NLGN1: variants seen among roughly 807,000 people sequenced by gnomAD.
NLGN1 encodes the protein neuroligin 1.
Under a neutral mutation model 65.5 loss-of-function variants are expected in NLGN1, and 12 were observed. That is an observed-to-expected ratio of 0.18 (90% confidence interval 0.12 to 0.30). NLGN1 has a LOEUF of 0.30. Ranked by LOEUF, NLGN1 falls within the 10% of genes least tolerant of loss-of-function variation. NLGN1 has a pLI of 1.00. For synonymous variants in NLGN1, 350 were observed against 359.5 expected (o/e 0.97, Z 0.30); for missense variants, 750 against 1,007.1 (o/e 0.74, Z 3.46).
chr3:174,289,955 G>GCA (rs1752558800), downstream of NLGN1, among the ~76,000 whole-genome samples: 1 of 105,372 alleles, frequency 9.5e-6, no homozygotes, highest in Admixed American at 1.0e-4. Context: ...ATATATATGT[G>GCA]TATATATATA....
intron 4 of NLGN1, among the ~76,000 whole-genome samples, chr3:174,034,977 C>G (rs896257501): frequency 6.6e-6 from 1 of 152,072 alleles, no homozygotes. Context: ...GCCATGCTAA[C>G]CCTAATCAAA....
intron 4 of NLGN1, among the ~76,000 whole-genome samples, chr3:174,032,215 A>G (rs1269079924): frequency 6.6e-6 from 1 of 152,224 alleles, no homozygotes; most frequent in East Asian, 1.9e-4. Context: ...CCTAGGATTC[A>G]GTAACAGAGA....
At chr3:174,264,014 CA>C (rs1200980617) in intron 4 of NLGN1, among the ~76,000 whole-genome samples, 3 of 150,916 alleles carry the variant, frequency 2.0e-5, no homozygotes, top group African/African-American at 7.4e-5. Flanking sequence ...TATTGGCCCC[CA>C]CTCTCTTCTG....
Position 173,947,399 on chromosome 3 carries a change from C to T in NLGN1, c.646+139567C>T, listed in dbSNP as rs116716107. On this transcript the variant is annotated intron_variant, in intron 4 of 6. Transcript: ENST00000457714. ...TAATGGCCTGAACATCTCCATAGTA[C>T]TTACTGTATGCCAGGCACTGTCCTT... 4.0e-3 allele frequency among the ~76,000 whole-genome samples: 603 copies of T among 152,230 alleles called. 6 individuals carry two copies. The highest frequency in any genetic ancestry group is 0.013 in the African/African-American group (557 of 41,544).
chr3:173,936,231 A>T (rs1745056504), intron 4 of NLGN1, among the ~76,000 whole-genome samples: 1 of 151,986 alleles, frequency 6.6e-6, no homozygotes, highest in Non-Finnish European at 1.5e-5. Context: ...TTATAAATTC[A>T]GTCTCTACAT....
intron 1 of NLGN1, among the ~76,000 whole-genome samples, chr3:173,403,475 G>A (rs1718086549): frequency 6.6e-6 from 1 of 152,056 alleles, no homozygotes; most frequent in South Asian, 2.1e-4. Context: ...CTTCATATAT[G>A]CTTTGCACAA....
chr3:173,864,763 C>T (rs577537235), intron 4 of NLGN1, among the ~76,000 whole-genome samples: 2 of 152,116 alleles, frequency 1.3e-5, no homozygotes, highest in Admixed American at 6.5e-5. Context: ...CCATAGTTTT[C>T]ACATTGGCAT....
chr3:173,622,414 A>G (rs924658208), intron 3 of NLGN1, among the ~76,000 whole-genome samples: 5 of 152,096 alleles, frequency 3.3e-5, no homozygotes, highest in South Asian at 2.1e-4. Flanking sequence ...TTAAAACCAC[A>G]TAAACCTCAG....
At chr3:173,868,898 G>GAGAC (rs1254159587) in intron 4 of NLGN1, among the ~76,000 whole-genome samples, 15 of 152,100 alleles carry the variant, frequency 9.9e-5, no homozygotes, top group African/African-American at 3.6e-4. Flanking sequence ...AACAGAGAGA[G>GAGAC]AGACAGACAG....
intron 4 of NLGN1, among the ~76,000 whole-genome samples, chr3:174,088,625 T>C (rs1414550753): frequency 1.3e-5 from 2 of 151,474 alleles, no homozygotes; most frequent in East Asian, 1.9e-4. Context: ...CGGTGGCAGG[T>C]GCCTGTAGTC....
exon 4 of NLGN1, chr3:173,807,786 T>C (rs1716982103): frequency 1.2e-6 from 2 of 1,613,780 alleles, no homozygotes; most frequent in Non-Finnish European, 1.7e-6. Context: ...TGGCAAGTTA[T>C]GGCAATGTGA....
rs554372833 is a variant in NLGN1 at position 174,264,676 on chromosome 3, C to T, written c.647-10639C>T. Among the ~76,000 whole-genome samples, 168 of 151,338 alleles carry T rather than the reference C, an allele frequency of 1.1e-3. 5 individuals carry two copies. The South Asian group carries it at 0.034, about 31-fold the overall frequency. On this transcript the variant is annotated intron_variant, in intron 4 of 6. Coordinates refer to ENST00000457714, the Ensembl canonical transcript of NLGN1. ...ATTTGATCGTCTGAAGCCTTCTCCCCTCAGCTCGTCAAAGTCATTCTCCGT... is the reference window on the plus strand; with the variant it reads ...ATTTGATCGTCTGAAGCCTTCTCCCTTCAGCTCGTCAAAGTCATTCTCCGT...
chr3:174,031,775 TAAG>T (rs1481842943), intron 4 of NLGN1, among the ~76,000 whole-genome samples: 1 of 152,022 alleles, frequency 6.6e-6, no homozygotes, highest in Non-Finnish European at 1.5e-5. Context: ...ATAATTAACT[TAAG>T]AAACTTTGCC....
chr3:174,252,297 C>T (rs1233875260), intron 4 of NLGN1, among the ~76,000 whole-genome samples: 1 of 152,002 alleles, frequency 6.6e-6, no homozygotes, highest in African/African-American at 2.4e-5. Flanking sequence ...GTTTCAATTA[C>T]TAGATTTTTG....
chr3:173,823,611 CAACTAAAATTAAATA>C (rs1720751928), intron 4 of NLGN1, among the ~76,000 whole-genome samples: 1 of 151,882 alleles, frequency 6.6e-6, no homozygotes, highest in Admixed American at 6.6e-5. Context: ...AAAATTAAAT[CAACTAAAATTAAATA>C]AAGTAAAAAA....
intron 4 of NLGN1, among the ~76,000 whole-genome samples, chr3:174,269,893 G>A (rs778633052): frequency 6.6e-5 from 10 of 151,712 alleles, no homozygotes; most frequent in Non-Finnish European, 1.3e-4. Flanking sequence ...CACAGTGTGG[G>A]TTTGATTTGC....
chr3:173,843,743 T>C (rs1185007338), intron 4 of NLGN1, among the ~76,000 whole-genome samples: 1 of 152,152 alleles, frequency 6.6e-6, no homozygotes, highest in East Asian at 1.9e-4. Context: ...ATTCAACAAG[T>C]CTCTAGGAAG....
chr3:173,417,664 A>G (rs985630166), intron 1 of NLGN1, among the ~76,000 whole-genome samples: 2 of 151,964 alleles, frequency 1.3e-5, no homozygotes, highest in African/African-American at 2.4e-5. Context: ...ATAACTTGCA[A>G]TTTCAAAGAT....
chr3:174,265,417 T>C (rs1375116129), intron 4 of NLGN1, among the ~76,000 whole-genome samples: 1 of 152,084 alleles, frequency 6.6e-6, no homozygotes, highest in Non-Finnish European at 1.5e-5. Flanking sequence ...AAAAGCACAA[T>C]ATTCGGATGG....
Sources: gnomAD v4.1 joint callset for allele counts (sites outside exome capture counted in the v4.1 genomes callset) on GRCh38, gnomAD v4.1.1 for gene constraint, MANE v1.5 for transcripts, NCBI Gene and HGNC (gene_info 2026-07-23, HGNC 2026-07-21) for gene names.